The following ATG2B variants were observed in gnomAD, a reference collection of about 807,000 sequenced individuals.
ATG2B encodes the protein autophagy-related protein 2 homolog B.
A neutral mutation model predicts 241.3 loss-of-function variants in ATG2B; 121 were observed. The ratio of observed to expected loss-of-function variants is 0.50; its 90% CI spans 0.43 to 0.58. ATG2B has a LOEUF of 0.58. Among genes scored for constraint, ATG2B ranks in the 20% least tolerant of loss-of-function variants. The probability of loss-of-function intolerance (pLI) is 0.00; values close to 1 mark genes in which losing one functional copy is unlikely to be tolerated. For synonymous variants in ATG2B, 858 were observed against 876.6 expected (o/e 0.98, Z 0.37); for missense variants, 2,306 against 2,491.6 (o/e 0.93, Z 1.59).
At chr14:96,305,113 C>A (rs1169557535) in intron 31 of ATG2B, among the ~76,000 whole-genome samples, 1 of 152,162 alleles carries the variant, frequency 6.6e-6, no homozygotes, top group East Asian at 1.9e-4. Context: ...CTGCCCCCTA[C>A]AGGGATTCTG....
At chr14:96,292,993 T>A (rs1471729103) in intron 36 of ATG2B, 1 of 152,260 alleles carries the variant, frequency 6.6e-6, no homozygotes, top group African/African-American at 2.4e-5. Context: ...ATTTTTAATT[T>A]GTATTATTTT....
chr14:96,282,270 T>G lies in ATG2B; in HGVS notation c.*3485A>C, dbSNP rs1336767325. 6.6e-6 allele frequency: 1 copy of G among 152,246 alleles called. No individual in the cohort carries two copies. The allele number at this position is 152,246 out of a possible 1,614,324, so 9.4% of individuals were successfully genotyped here. A position where few individuals can be genotyped will look rare whatever the true frequency, so the allele number is the denominator to read the frequency against. ...TTTGATACCAATTGGTATGTCCAGC[T>G]GATGCATTTGCAGATACAAAAGAAT... On this transcript the variant is annotated 3_prime_UTR_variant, in exon 42 of 42. Coordinates refer to ENST00000359933, the MANE Select transcript of ATG2B (RefSeq NM_018036.7).
Position 96,323,999 on chromosome 14 carries a change from C to CA in ATG2B, c.2438-2_2438-1insT. ...TCTCCTTTCTCTTCCTGGAACGATC[C>CA]TAAAAAAAAAGACTGATTTACTGAA... On this transcript the variant is annotated splice_acceptor_variant, in intron 15 of 41. Transcript: ENST00000359933. LOFTEE classifies it high-confidence loss of function. The CA allele has an allele frequency of 6.5e-7, 1 of 1,542,532 alleles. No individual in the cohort carries two copies. Among genetic ancestry groups the CA allele is most frequent in the Non-Finnish European group, 8.7e-7 (1 of 1,144,656 alleles).
At chr14:96,357,734 T>A (rs1888517442) in intron 1 of ATG2B, among the ~76,000 whole-genome samples, 1 of 151,982 alleles carries the variant, frequency 6.6e-6, no homozygotes, top group African/African-American at 2.4e-5. Flanking sequence ...AAATGGCCCA[T>A]CATAAAAGAC....
intron 4 of ATG2B, 50 bp downstream of exon 4, chr14:96,344,604 A>G (rs745499594): frequency 1.6e-5 from 16 of 987,646 alleles, no homozygotes; most frequent in Non-Finnish European, 2.3e-5. Context: ...TGAAAATGTA[A>G]TATCAGAGTT....
Position 96,338,565 on chromosome 14 carries a change from G to T in ATG2B, c.924+2957C>A, listed in dbSNP as rs375118572. 1.7e-4 allele frequency among the ~76,000 whole-genome samples: 26 copies of T among 152,230 alleles called. No homozygotes were observed. The East Asian group carries it at 3.9e-3, about 23-fold the overall frequency. ...AAACACCCCCTATTCAATAAATGAT[G>T]CTGGGAAAACTGGCAAGCCACATGT... On this transcript the variant is annotated intron_variant, in intron 6 of 41. Coordinates refer to ENST00000359933, the MANE Select transcript of ATG2B (RefSeq NM_018036.7).
intron 6 of ATG2B, among the ~76,000 whole-genome samples, chr14:96,334,892 C>G (rs779454144): frequency 6.6e-6 from 1 of 152,144 alleles, no homozygotes; most frequent in Non-Finnish European, 1.5e-5. Context: ...TGATTCACAT[C>G]AAGAACAAAT....
rs945822961 is a variant in ATG2B at position 96,342,981 on chromosome 14, A to G, written c.744+138T>C. On this transcript the variant is annotated intron_variant, in intron 5 of 41. Coordinates refer to ENST00000359933, the MANE Select transcript of ATG2B (RefSeq NM_018036.7). ...TCAAATCTCTGAAACATATATTACCATTACTGAATATTTGCATTAAATCTC... is the reference window on the plus strand; with the variant it reads ...TCAAATCTCTGAAACATATATTACCGTTACTGAATATTTGCATTAAATCTC... 12 of 558,992 alleles carry G rather than the reference A, an allele frequency of 2.1e-5. No homozygotes were observed. In the East Asian group the frequency reaches 3.0e-4, roughly 14 times the overall value. The allele number at this position is 558,992 out of a possible 1,614,324, so 34.6% of individuals were successfully genotyped here. A position where few individuals can be genotyped will look rare whatever the true frequency, so the allele number is the denominator to read the frequency against.
intron 1 of ATG2B, among the ~76,000 whole-genome samples, chr14:96,354,209 T>C (rs1427279163): frequency 6.6e-6 from 1 of 152,174 alleles, no homozygotes; most frequent in Non-Finnish European, 1.5e-5. Flanking sequence ...TGTCCCATGG[T>C]GGTTTGCTGC....
At chr14:96,346,410 C>G (rs1374673028) in intron 2 of ATG2B, among the ~76,000 whole-genome samples, 1 of 152,140 alleles carries the variant, frequency 6.6e-6, no homozygotes, top group African/African-American at 2.4e-5. Context: ...ATTATATCCA[C>G]TCATCATAGT....
intron 34 of ATG2B, among the ~76,000 whole-genome samples, chr14:96,300,663 G>A (rs1187458163): frequency 6.6e-6 from 1 of 152,116 alleles, no homozygotes; most frequent in African/African-American, 2.4e-5. Context: ...TTTCCACTAG[G>A]CCAATCAATA....
chr14:96,324,628 A>G (rs900484911), intron 15 of ATG2B, among the ~76,000 whole-genome samples: 7 of 152,158 alleles, frequency 4.6e-5, no homozygotes, highest in African/African-American at 1.7e-4. Context: ...ATGCCACTGC[A>G]CTCCAGCCTG....
At chr14:96,320,403 T>C (rs748462694) in intron 18 of ATG2B, among the ~76,000 whole-genome samples, 9 of 151,910 alleles carry the variant, frequency 5.9e-5, no homozygotes, top group Non-Finnish European at 8.8e-5. Context: ...CTCTTACATA[T>C]CTCTGAAAAA....
Position 96,286,480 on chromosome 14 carries a change from A to G in ATG2B, c.6007-495T>C, listed in dbSNP as rs528410800. Among the ~76,000 whole-genome samples the G allele has an allele frequency of 3.9e-4, 60 of 152,342 alleles. No homozygotes were observed. In the South Asian group the frequency reaches 8.5e-3, roughly 22 times the overall value. On this transcript the variant is annotated intron_variant, in intron 41 of 41. Coordinates refer to ENST00000359933, the MANE Select transcript of ATG2B (RefSeq NM_018036.7). ...ATTAAGATAAAAAGCTCAATAGAAC[A>G]TTTTATTGGATTAGAGAATTCTGAG...
chr14:96,314,291 G>T (rs1215642470), intron 23 of ATG2B, among the ~76,000 whole-genome samples: 1 of 152,170 alleles, frequency 6.6e-6, no homozygotes, highest in Non-Finnish European at 1.5e-5. Flanking sequence ...AGCAATCATA[G>T]TGCACTAGTT....
intron 18 of ATG2B, among the ~76,000 whole-genome samples, chr14:96,319,300 T>G (rs1461690538): frequency 6.6e-6 from 1 of 152,134 alleles, no homozygotes; most frequent in Non-Finnish European, 1.5e-5. Flanking sequence ...GCTTGTAGTA[T>G]CAAGAAATAT....
At position 96,283,139 on chromosome 14, in the gene ATG2B, A is replaced by T. The variant is rs1350218073; in HGVS notation, c.*2616T>A. 3 of 152,052 alleles carry T rather than the reference A, an allele frequency of 2.0e-5. No individual in the cohort carries two copies. Among genetic ancestry groups the T allele is most frequent in the Non-Finnish European group, 1.5e-5 (1 of 68,040 alleles). The allele number at this position is 152,052 out of a possible 1,614,324, so 9.4% of individuals were successfully genotyped here. On this transcript the variant is annotated 3_prime_UTR_variant, in exon 42 of 42. Transcript: ENST00000359933. ...CGGTTGTGGCCTCAGCTGCCTCTCT[A>T]CTCGTCATGTAAGGGGGTCTTAACA...
chr14:96,297,306 G>A (rs1886670397), intron 34 of ATG2B, among the ~76,000 whole-genome samples: 1 of 150,166 alleles, frequency 6.7e-6, no homozygotes, highest in Non-Finnish European at 1.5e-5. Context: ...AAAAAAAAAA[G>A]GGAGACTAAA....
At chr14:96,332,728 G>T (rs554993110) in intron 8 of ATG2B, 73 bp from the exon 9 acceptor site, 5 of 1,216,336 alleles carry the variant, frequency 4.1e-6, no homozygotes, top group Non-Finnish European at 5.5e-6. Flanking sequence ...GTTAATATAC[G>T]TTAATACAAT....
Sources: gnomAD v4.1 joint callset for allele counts (sites outside exome capture counted in the v4.1 genomes callset) on GRCh38, gnomAD v4.1.1 for gene constraint, MANE v1.5 for transcripts, NCBI Gene and HGNC (gene_info 2026-07-23, HGNC 2026-07-21) for gene names.